The following NT5M variants were observed in gnomAD, a reference collection of about 807,000 sequenced individuals.
The protein encoded by NT5M is 5',3'-nucleotidase, mitochondrial, also known as 5'(3')-deoxyribonucleotidase, mitochondrial.
Under a neutral mutation model 22.2 loss-of-function variants are expected in NT5M, and 22 were observed. The observed-to-expected ratio is 0.99, with a 90% CI of 0.71 to 1.41. The LOEUF is 1.41. Ranked by LOEUF, NT5M falls within the 40% of genes most tolerant of loss-of-function variation. The pLI, the probability that NT5M is intolerant of heterozygous loss-of-function variation, is 0.00. For synonymous variants in NT5M, 167 were observed against 133.0 expected (o/e 1.26, Z -1.76); for missense variants, 322 against 314.8 (o/e 1.02, Z -0.17).
chr17:17,320,409 G>A lies in NT5M; in HGVS notation c.369-2776G>A, dbSNP rs574310321. 1.9e-4 allele frequency among the ~76,000 whole-genome samples: 29 copies of A among 152,142 alleles called. No individual in the cohort carries two copies. The South Asian group carries it at 5.4e-3, about 28-fold the overall frequency. ...GTGGGTGGATGACGTGTGCTTTGGC[G>A]GGACCCATAAGACCTGGGGATGGAT... is the stretch of plus-strand genomic sequence containing the variant. On this transcript the variant is annotated intron_variant, in intron 2 of 4. Coordinates refer to ENST00000389022, the MANE Select transcript of NT5M (RefSeq NM_020201.4).
chr17:17,321,211 C>A (rs1226896167), intron 2 of NT5M, among the ~76,000 whole-genome samples: 1 of 151,108 alleles, frequency 6.6e-6, no homozygotes, highest in African/African-American at 2.4e-5. Flanking sequence ...AGAAGGATAG[C>A]AAGCGGGCAT....
chr17:17,332,007 CCCGACCTCATGATCCA>C (rs1318485399), intron 3 of NT5M, among the ~76,000 whole-genome samples: 1 of 148,412 alleles, frequency 6.7e-6, no homozygotes, highest in Non-Finnish European at 1.5e-5. Context: ...GTCTTGATTT[CCCGACCTCATGATCCA>C]CCCGCCTCGG....
intron 2 of NT5M, among the ~76,000 whole-genome samples, chr17:17,310,547 A>G (rs1275938526): frequency 6.6e-6 from 1 of 152,154 alleles, no homozygotes; most frequent in Non-Finnish European, 1.5e-5. Context: ...ACATAAAAAG[A>G]TGCTTGAGGC....
chr17:17,320,347 C>T (rs79350454), intron 2 of NT5M, among the ~76,000 whole-genome samples: 14 of 151,978 alleles, frequency 9.2e-5, no homozygotes, highest in South Asian at 2.1e-4. Context: ...CAGTGGGAGA[C>T]GACTCAGTTT....
At chr17:17,307,573 C>T (rs2048831526) in intron 2 of NT5M, among the ~76,000 whole-genome samples, 1 of 73,154 alleles carries the variant, frequency 1.4e-5, no homozygotes, top group Non-Finnish European at 3.3e-5. Flanking sequence ...AACCCTGCCT[C>T]AGCCAGGTAC....
intron 3 of NT5M, among the ~76,000 whole-genome samples, chr17:17,338,677 G>GTTTTTTT (rs59650601): frequency 3.7e-4 from 27 of 73,206 alleles, no homozygotes; most frequent in South Asian, 4.7e-4. Flanking sequence ...AATGTTAAGG[G>GTTTTTTT]TTTTTTTTTT....
intron 3 of NT5M, among the ~76,000 whole-genome samples, chr17:17,343,169 T>A (rs2049682763): frequency 6.6e-6 from 1 of 151,508 alleles, no homozygotes; most frequent in Non-Finnish European, 1.5e-5. Flanking sequence ...ACTGGGAGAG[T>A]TCAGGGAAGG....
intron 2 of NT5M, among the ~76,000 whole-genome samples, chr17:17,316,524 C>T (rs996778098): frequency 2.7e-5 from 4 of 148,570 alleles, no homozygotes; most frequent in Non-Finnish European, 6.0e-5. Flanking sequence ...TACAGGCGCC[C>T]GCCACCACAC....
At chr17:17,342,018 G>A (rs2049653255) in intron 3 of NT5M, among the ~76,000 whole-genome samples, 1 of 151,072 alleles carries the variant, frequency 6.6e-6, no homozygotes, top group African/African-American at 2.4e-5. Flanking sequence ...GCGACAGCAA[G>A]ACTCTGTCTC....
chr17:17,326,174 TC>T (rs1346667175), intron 3 of NT5M, among the ~76,000 whole-genome samples: 1 of 152,252 alleles, frequency 6.6e-6, no homozygotes, highest in Non-Finnish European at 1.5e-5. Context: ...GTCCCTTTAT[TC>T]TCACTTTTGA....
In NT5M at chr17:17,331,588, T is replaced by C. The variant is rs140965634; in HGVS notation, c.429+8343T>C. On this transcript the variant is annotated intron_variant, in intron 3 of 4. Transcript: ENST00000389022. ...TGTAGACAAAAGTGCATGATCCCTT[T>C]ATTTATTTATGTAATTTTTTTTTTA... is the stretch of plus-strand genomic sequence containing the variant. Among the ~76,000 whole-genome samples the C allele has an allele frequency of 2.6e-5, 4 of 151,658 alleles. No individual in the cohort carries two copies. The East Asian group carries it at 7.7e-4, about 29-fold the overall frequency.
intron 4 of NT5M, among the ~76,000 whole-genome samples, chr17:17,345,951 G>C (rs56069989): frequency 0.33 from 49,865 of 151,944 alleles, 9,673 homozygotes; most frequent in East Asian, 0.47. Flanking sequence ...TTGCCTCTTG[G>C]CTCTGCCCTG....
intron 2 of NT5M, 24 bp downstream of exon 2, chr17:17,306,667 C>A (rs200523345): frequency 4.5e-6 from 7 of 1,546,340 alleles, no homozygotes; most frequent in Non-Finnish European, 6.3e-6. Context: ...CCCAGCCACT[C>A]AGTAAGTTTG....
intron 2 of NT5M, among the ~76,000 whole-genome samples, chr17:17,315,980 C>T (rs2049018887): frequency 6.6e-6 from 1 of 151,688 alleles, no homozygotes; most frequent in South Asian, 2.1e-4. Flanking sequence ...TGGTCTCGAT[C>T]TCCTGACCTT....
At chr17:17,317,031 TTTTTTG>T (rs1223215856) in intron 2 of NT5M, among the ~76,000 whole-genome samples, 42 of 141,282 alleles carry the variant, frequency 3.0e-4, no homozygotes, top group African/African-American at 6.6e-4. Context: ...AGGTTTTTTG[TTTTTTG>T]TTTTTGTTTT....
intron 2 of NT5M, among the ~76,000 whole-genome samples, chr17:17,312,356 T>A (rs890076983): frequency 6.6e-6 from 1 of 152,108 alleles, no homozygotes; most frequent in Non-Finnish European, 1.5e-5. Flanking sequence ...AAAAGTATTC[T>A]AGCGGCCAGG....
Position 17,306,599 on chromosome 17 carries a change from G to T in NT5M, c.324G>T (p.Leu108=). Residue 108 remains leucine (L), a synonymous_variant, in exon 2 of 5, where the codon CTG becomes CTT. Transcript: ENST00000389022. ...ATTTCTTTTTTGAACTTGAGCCTCT[G>T]CCAGGGGCCGTGGAAGCTGTCAAGG... ...SKNFFFELEP[L]PGAVEAVKEM... is the part of the protein sequence containing the mutation. 1 of 1,614,052 alleles carries T rather than the reference G, an allele frequency of 6.2e-7. No homozygotes were observed. Among genetic ancestry groups the T allele is most frequent in the Non-Finnish European group, 8.5e-7 (1 of 1,180,014 alleles).
chr17:17,340,931 T>G (rs1328542445), intron 3 of NT5M, among the ~76,000 whole-genome samples: 2 of 152,188 alleles, frequency 1.3e-5, no homozygotes, highest in Non-Finnish European at 2.9e-5. Flanking sequence ...AGAAGCATTT[T>G]CTTCTTTTTT....
chr17:17,338,615 C>G (rs1405518327), intron 3 of NT5M, among the ~76,000 whole-genome samples: 1 of 142,762 alleles, frequency 7.0e-6, no homozygotes, highest in Admixed American at 7.0e-5. Flanking sequence ...CAGTTTTGTT[C>G]CTTTTGCTTA....
Sources: allele counts gnomAD v4.1 joint callset (sites outside exome capture counted in the v4.1 genomes callset), GRCh38; gene constraint gnomAD v4.1.1; transcripts MANE v1.5; gene names NCBI Gene and HGNC (gene_info 2026-07-23, HGNC 2026-07-21).